MANBA: variants seen among roughly 807,000 people sequenced by gnomAD.
MANBA encodes mannosidase beta.
Under a neutral mutation model 111.1 loss-of-function variants are expected in MANBA, and 83 were observed. That is an observed-to-expected ratio of 0.75 (90% confidence interval 0.63 to 0.90). The LOEUF is 0.90. Ranked by LOEUF, MANBA falls within the 40% of genes least tolerant of loss-of-function variation. MANBA has a pLI of 0.00. For synonymous variants in MANBA, 370 were observed against 378.7 expected (o/e 0.98, Z 0.27); for missense variants, 1,036 against 1,069.0 (o/e 0.97, Z 0.43).
At chr4:102,700,875 C>T (rs1732998697) in intron 5 of MANBA, among the ~76,000 whole-genome samples, 2 of 152,216 alleles carry the variant, frequency 1.3e-5, no homozygotes, top group African/African-American at 4.8e-5. Context: ...TCTATTAGGT[C>T]CGCTTGGTGC....
intron 5 of MANBA, among the ~76,000 whole-genome samples, chr4:102,698,515 T>A (rs2110253695): frequency 6.8e-6 from 1 of 147,024 alleles, no homozygotes; most frequent in East Asian, 2.0e-4. Context: ...CTTTAATCCA[T>A]CTTGAATTGA....
intron 12 of MANBA, among the ~76,000 whole-genome samples, chr4:102,654,019 C>T (rs1730453207): frequency 6.6e-6 from 1 of 152,144 alleles, no homozygotes; most frequent in African/African-American, 2.4e-5. Context: ...TCCACTTTGC[C>T]TGAGGCCCAA....
intron 13 of MANBA, among the ~76,000 whole-genome samples, chr4:102,641,619 C>T (rs894411078): frequency 2.6e-5 from 4 of 152,138 alleles, no homozygotes; most frequent in Non-Finnish European, 5.9e-5. Flanking sequence ...TCTCACAAAG[C>T]AAGCAGCATT....
At chr4:102,657,624 T>C in intron 12 of MANBA, 58 bp downstream of exon 12, 1 of 1,373,044 alleles carries the variant, frequency 7.3e-7, no homozygotes, top group Non-Finnish European at 1.0e-6. Flanking sequence ...GTGATCAGAA[T>C]AAACACATGC....
intron 1 of MANBA, among the ~76,000 whole-genome samples, chr4:102,754,810 C>T (rs1468514517): frequency 1.3e-5 from 2 of 152,142 alleles, no homozygotes; most frequent in Non-Finnish European, 2.9e-5. Context: ...CCGCCTTGGC[C>T]TCCCAAAGTG....
At chr4:102,694,548 A>G (rs574305555) in intron 5 of MANBA, among the ~76,000 whole-genome samples, 52 of 152,258 alleles carry the variant, frequency 3.4e-4, no homozygotes, top group South Asian at 2.1e-4. Flanking sequence ...CCTAGCATTA[A>G]TAAGTCACCA....
intron 5 of MANBA, among the ~76,000 whole-genome samples, chr4:102,705,571 G>A (rs1301189769): frequency 2.0e-5 from 3 of 152,186 alleles, no homozygotes; most frequent in South Asian, 2.1e-4. Context: ...TACCTGGAGC[G>A]AAAGTGCATG....
At chr4:102,711,946 T>C (rs1410667623) in intron 5 of MANBA, among the ~76,000 whole-genome samples, 1 of 152,130 alleles carries the variant, frequency 6.6e-6, no homozygotes, top group African/African-American at 2.4e-5. Flanking sequence ...GAAAGGCTGA[T>C]GAATGGGTAC....
At chr4:102,704,111 A>G (rs1001061922) in intron 5 of MANBA, among the ~76,000 whole-genome samples, 1 of 152,034 alleles carries the variant, frequency 6.6e-6, no homozygotes, top group Non-Finnish European at 1.5e-5. Context: ...AAAAAACCAA[A>G]AAATTTGATC....
chr4:102,696,937 A>G (rs1250147593), intron 5 of MANBA, among the ~76,000 whole-genome samples: 1 of 152,196 alleles, frequency 6.6e-6, no homozygotes, highest in Non-Finnish European at 1.5e-5. Context: ...GCTGCTTTTC[A>G]AAGAGCTAAC....
intron 12 of MANBA, among the ~76,000 whole-genome samples, chr4:102,651,685 G>T (rs1354201833): frequency 6.6e-6 from 1 of 152,048 alleles, no homozygotes; most frequent in Non-Finnish European, 1.5e-5. Flanking sequence ...CAACACATGG[G>T]CCCATTACCT....
rs891571334 is a variant in MANBA, at chr4:102,639,654, G to A, written c.2014+59C>T. 3.0e-5 allele frequency: 48 copies of A among 1,608,126 alleles called. No homozygotes were observed. In the Middle Eastern group the frequency reaches 8.5e-4, roughly 29 times the overall value. On this transcript the variant is annotated intron_variant, in intron 14 of 16. Coordinates refer to ENST00000647097, the MANE Select transcript of MANBA (RefSeq NM_005908.4). ...ACCCCTCCAGCACTGTGCTTTCTCA[G>A]TCCCTCTCCCCACAGTGTTGCTTTC...
At chr4:102,701,388 C>T (rs373977423) in intron 5 of MANBA, among the ~76,000 whole-genome samples, 39 of 152,046 alleles carry the variant, frequency 2.6e-4, no homozygotes, top group African/African-American at 8.2e-4. Flanking sequence ...ATGTGTGAAT[C>T]TGATCCTGTC....
intron 5 of MANBA, among the ~76,000 whole-genome samples, chr4:102,705,080 G>A (rs1733236496): frequency 6.6e-6 from 1 of 152,154 alleles, no homozygotes; most frequent in African/African-American, 2.4e-5. Context: ...AGAAGTGACA[G>A]AAAACACCTA....
intron 7 of MANBA, among the ~76,000 whole-genome samples, chr4:102,675,039 G>T (rs955276856): frequency 2.6e-5 from 4 of 152,184 alleles, no homozygotes; most frequent in African/African-American, 9.7e-5. Context: ...CCTGGATAAG[G>T]AGGATCTTGA....
At chr4:102,700,486 G>C (rs1160608549) in intron 5 of MANBA, among the ~76,000 whole-genome samples, 1 of 151,890 alleles carries the variant, frequency 6.6e-6, no homozygotes, top group Admixed American at 6.6e-5. Context: ...GCTTTCTCTT[G>C]TGGGCATTTA....
intron 10 of MANBA, chr4:102,668,102 G>C (rs552796181): frequency 6.6e-6 from 1 of 152,102 alleles, no homozygotes; most frequent in Non-Finnish European, 1.5e-5. Flanking sequence ...GATTCTACAT[G>C]GAAACCCATG....
At chr4:102,734,283 A>G (rs1183823884) in intron 1 of MANBA, 13 of 1,411,642 alleles carry the variant, frequency 9.2e-6, no homozygotes, top group Non-Finnish European at 1.2e-5. Flanking sequence ...TCCGGGGGAG[A>G]AGGGCAGCAG....
At chr4:102,639,595 C>T (rs1156696055) in intron 14 of MANBA, 118 bp downstream of exon 14, 24 of 1,369,466 alleles carry the variant, frequency 1.8e-5, no homozygotes, top group Non-Finnish European at 2.2e-5. Flanking sequence ...TAAAGAATGA[C>T]TCTTTTGGTC....
Sources: gnomAD v4.1 joint callset for allele counts (sites outside exome capture counted in the v4.1 genomes callset) on GRCh38, gnomAD v4.1.1 for gene constraint, MANE v1.5 for transcripts, NCBI Gene and HGNC (gene_info 2026-07-23, HGNC 2026-07-21) for gene names.